The following RTTN variants were observed in gnomAD, a reference collection of about 807,000 sequenced individuals.
RTTN encodes the protein rotatin.
A neutral mutation model predicts 269.2 loss-of-function variants in RTTN; 182 were observed. The ratio of observed to expected loss-of-function variants is 0.68; its 90% CI spans 0.60 to 0.76. RTTN has a LOEUF of 0.76. RTTN is among the 30% of genes least tolerant of loss of function. RTTN has a pLI of 0.00. For missense variants in RTTN, 2,545 were observed against 2,608.6 expected (o/e 0.98, Z 0.53); for synonymous variants, 1,006 against 963.5 (o/e 1.04, Z -0.82).
At chr18:70,166,328 G>A in intron 13 of RTTN, 140 bp from the exon 14 acceptor site, 4 of 747,278 alleles carry the variant, frequency 5.4e-6, no homozygotes, top group Non-Finnish European at 8.5e-6. Context: ...ATACTAGCAA[G>A]TACTCACCTA....
chr18:70,060,392 C>T (rs187336962), intron 35 of RTTN, among the ~76,000 whole-genome samples: 1 of 151,992 alleles, frequency 6.6e-6, no homozygotes, highest in East Asian at 1.9e-4. Context: ...ACTCGAGGGG[C>T]CAAAGGTGTG....
At chr18:70,160,688 T>C (rs557437626) in intron 14 of RTTN, among the ~76,000 whole-genome samples, 60 of 150,684 alleles carry the variant, frequency 4.0e-4, no homozygotes, top group African/African-American at 1.4e-3. Context: ...AAAAACCATA[T>C]TCTCTGCCCA....
At chr18:70,078,129 A>C (rs12966927) in intron 32 of RTTN, among the ~76,000 whole-genome samples, 8,330 of 152,004 alleles carry the variant, frequency 0.055, 309 homozygotes, top group Non-Finnish European at 0.079. Context: ...TAATAAAAAA[A>C]TTCTAAACAT....
At chr18:70,089,012 T>C (rs1390500934) in intron 30 of RTTN, among the ~76,000 whole-genome samples, 1 of 152,206 alleles carries the variant, frequency 6.6e-6, no homozygotes, top group Non-Finnish European at 1.5e-5. Context: ...CCTTTTTATT[T>C]TTTTCAAAAT....
chr18:70,021,289 A>C (rs1192498513), intron 44 of RTTN: 1 of 152,822 alleles, frequency 6.5e-6, no homozygotes, highest in African/African-American at 2.4e-5. Context: ...TTGTTGTTCA[A>C]GGTCATACAG....
chr18:70,091,802 G>C (rs2058854986), intron 30 of RTTN: 1 of 170,114 alleles, frequency 5.9e-6, no homozygotes, highest in Non-Finnish European at 1.2e-5. Flanking sequence ...GCCCAGGCTG[G>C]AGTGCAGTGG....
chr18:70,155,547 T>G (rs2060650426), intron 14 of RTTN, among the ~76,000 whole-genome samples: 3 of 152,232 alleles, frequency 2.0e-5, no homozygotes. Flanking sequence ...AGCCCACTCT[T>G]GCAACGATCC....
chr18:70,007,906 G>C (rs1270250833), intron 46 of RTTN: 1 of 152,928 alleles, frequency 6.5e-6, no homozygotes, highest in African/African-American at 2.4e-5. Flanking sequence ...CTCGAGCTCT[G>C]CTAACGGACA....
intron 43 of RTTN, among the ~76,000 whole-genome samples, chr18:70,025,503 G>T (rs536675666): frequency 2.0e-5 from 3 of 152,246 alleles, no homozygotes; most frequent in African/African-American, 4.8e-5. Flanking sequence ...TTATGCACGT[G>T]AGCATGCACA....
intron 9 of RTTN, 60 bp from the exon 10 acceptor site, chr18:70,188,283 G>T: frequency 1.1e-6 from 1 of 902,216 alleles, no homozygotes; most frequent in Non-Finnish European, 1.8e-6. Context: ...AAAATAATCA[G>T]CTGAATATCA....
intron 14 of RTTN, among the ~76,000 whole-genome samples, chr18:70,160,117 A>G (rs1362379743): frequency 6.6e-6 from 1 of 152,092 alleles, no homozygotes; most frequent in Non-Finnish European, 1.5e-5. Context: ...AAACCCTAGC[A>G]GAGACACAAC....
intron 34 of RTTN, among the ~76,000 whole-genome samples, chr18:70,066,398 T>G (rs527316343): frequency 1.4e-4 from 21 of 152,178 alleles, no homozygotes; most frequent in Non-Finnish European, 2.9e-4. Context: ...GGAAGAACAC[T>G]AAAAAATTGT....
rs57943857 is a variant in RTTN, at chr18:70,157,506, CCA to C, written c.1930-6775_1930-6774del. Among the ~76,000 whole-genome samples, 26 of 152,304 alleles carry C rather than the reference CCA, an allele frequency of 1.7e-4. No homozygotes were observed. The East Asian group carries it at 4.8e-3, about 28-fold the overall frequency. ...CTTCAAAGATTAAAGGAACATCTGC[CCA>C]CACAGGTAAGAAAAAAACAGTGTAA... On this transcript the variant is annotated intron_variant, in intron 14 of 48. Transcript: ENST00000640769.
intron 28 of RTTN, among the ~76,000 whole-genome samples, chr18:70,106,294 G>A (rs192530859): frequency 4.6e-5 from 7 of 152,294 alleles, no homozygotes; most frequent in African/African-American, 1.4e-4. Context: ...GTAGTGAGCT[G>A]TGATTGCACC....
intron 26 of RTTN, among the ~76,000 whole-genome samples, chr18:70,114,824 A>G (rs530820602): frequency 6.6e-6 from 1 of 152,230 alleles, no homozygotes; most frequent in South Asian, 2.1e-4. Flanking sequence ...AAAGGACGAG[A>G]AAAACAAAAC....
intron 32 of RTTN, among the ~76,000 whole-genome samples, chr18:70,079,441 C>T (rs2145113617): frequency 6.6e-6 from 1 of 152,204 alleles, no homozygotes; most frequent in East Asian, 1.9e-4. Flanking sequence ...GATGGCCAGG[C>T]TCAGGCTTTC....
At position 70,166,066 on chromosome 18, in the gene RTTN, G is replaced by C. The variant is rs760276630; in HGVS notation, c.1925C>G (p.Thr642Arg). ...AETYHCCLEI[T>R]KECLGVHNVT... ...TACGAAAAAACAAAACCTCACCTTC[G>C]TGATTTCCAGACAGCAGTGGTAAGT... Residue 642 changes from threonine to arginine, a missense_variant, in exon 14 of 49, where the codon ACG (threonine) becomes AGG (arginine). Coordinates refer to ENST00000640769, the MANE Select transcript of RTTN (RefSeq NM_173630.4). 3.7e-6 allele frequency: 6 copies of C among 1,613,286 alleles called. No homozygotes were observed. Among genetic ancestry groups the C allele is most frequent in the Non-Finnish European group, 4.2e-6 (5 of 1,179,556 alleles).
Position 70,127,742 on chromosome 18 carries a change from C to G in RTTN, c.3144-1G>C. 6.2e-7 allele frequency: 1 copy of G among 1,601,620 alleles called. No homozygotes were observed. Among genetic ancestry groups the G allele is most frequent in the Non-Finnish European group, 8.5e-7 (1 of 1,172,718 alleles). On this transcript the variant is annotated splice_acceptor_variant, in intron 24 of 48. Transcript: ENST00000640769. LOFTEE classifies it high-confidence loss of function. The stretch of plus-strand genomic sequence containing the variant: ...AGATAACTTCAATGCATCTAAAATT[C>G]TAGACAAAAAGAAAAAAAATGAAGG...
At position 70,013,450 on chromosome 18, in the gene RTTN, G is replaced by T. The variant is rs373109540; in HGVS notation, c.6421+3957C>A. On this transcript the variant is annotated intron_variant, in intron 46 of 48. Coordinates refer to ENST00000640769, the MANE Select transcript of RTTN (RefSeq NM_173630.4). ...GTGTGTGTGTGAATTAATGTGGTGG[G>T]CCCCTCTGATAATGCAAGTGGATCG... is the stretch of plus-strand genomic sequence containing the variant. Among the ~76,000 whole-genome samples the T allele has an allele frequency of 1.8e-4, 25 of 142,108 alleles. 1 individual carries two copies. The highest frequency in any genetic ancestry group is 1.5e-3 in the East Asian group (8 of 5,176). 93.2% of individuals were successfully genotyped at this position (142,108 alleles called of 152,430 possible). A position where few individuals can be genotyped will look rare whatever the true frequency, so the allele number is the denominator to read the frequency against.
Sources: allele counts gnomAD v4.1 joint callset (sites outside exome capture counted in the v4.1 genomes callset), GRCh38; gene constraint gnomAD v4.1.1; transcripts MANE v1.5; gene names NCBI Gene and HGNC (gene_info 2026-07-23, HGNC 2026-07-21).